Variants in NTNG1 observed in about 807,000 individuals in gnomAD.
NTNG1 encodes netrin-G1.
In NTNG1, 16 loss-of-function variants were observed where a neutral mutation model predicts 54.0. The observed-to-expected ratio is 0.30, with a 90% CI of 0.20 to 0.45. The LOEUF (loss-of-function observed/expected upper bound fraction) is 0.45. NTNG1 is among the 20% of genes least tolerant of loss of function. NTNG1 has a pLI of 1.00. For synonymous variants in NTNG1, 255 were observed against 263.1 expected, an observed-to-expected ratio of 0.97 and a Z score of 0.30; for missense variants, 530 against 678.7, an observed-to-expected ratio of 0.78 and a Z score of 2.43.
chr1:107,339,825 A>C (rs1436748830), intron 3 of NTNG1, among the ~76,000 whole-genome samples: 1 of 152,098 alleles, frequency 6.6e-6, no homozygotes, highest in Non-Finnish European at 1.5e-5. Flanking sequence ...TTTTGTGCTT[A>C]GTATAATAGT....
chr1:107,247,140 G>A (rs200254433), intron 2 of NTNG1, among the ~76,000 whole-genome samples: 1 of 152,196 alleles, frequency 6.6e-6, no homozygotes, highest in East Asian at 1.9e-4. Flanking sequence ...GTAACCTTCT[G>A]AGACTTTGTG....
At chr1:107,180,721 C>T (rs1253103114) in intron 2 of NTNG1, among the ~76,000 whole-genome samples, 1 of 152,040 alleles carries the variant, frequency 6.6e-6, no homozygotes, top group Non-Finnish European at 1.5e-5. Context: ...TTTTGGCAGG[C>T]TTTGTTATCC....
intron 2 of NTNG1, among the ~76,000 whole-genome samples, chr1:107,276,500 G>A (rs1022987172): frequency 6.6e-6 from 1 of 151,898 alleles, no homozygotes. Context: ...GAATTTCAAG[G>A]CTCACATCAC....
intron 3 of NTNG1, among the ~76,000 whole-genome samples, chr1:107,391,734 C>A (rs1027553037): frequency 6.6e-6 from 1 of 151,900 alleles, no homozygotes; most frequent in African/African-American, 2.4e-5. Context: ...CTTTTTAAAC[C>A]GCCAGATCTT....
At chr1:107,431,072 A>AC (rs879348881) in intron 6 of NTNG1, among the ~76,000 whole-genome samples, 155 bp downstream of exon 6, 1 of 152,124 alleles carries the variant, frequency 6.6e-6, no homozygotes, top group Non-Finnish European at 1.5e-5. Flanking sequence ...TTGTGATTTC[A>AC]CTTGTATTGG....
rs1553225209 is a variant in NTNG1 at position 107,319,865 on chromosome 1, T to TTATATATATATATATATATATA, written c.247-4397_247-4396insTATATATATATATATATATATA. 2.9e-4 allele frequency among the ~76,000 whole-genome samples: 43 copies of TTATATATATATATATATATATA among 147,930 alleles called. No homozygotes were observed. The East Asian group carries it at 6.4e-3, about 22-fold the overall frequency. On this transcript the variant is annotated intron_variant, in intron 2 of 7. Coordinates refer to ENST00000370068, the MANE Select transcript of NTNG1 (RefSeq NM_001113226.3). ...TACATTAATATCGCTTACCTGAGGT[T>TTATATATATATATATATATATA]TATATATATATATATATATAAAACT...
chr1:107,399,411 T>C (rs1267961410), intron 4 of NTNG1, among the ~76,000 whole-genome samples: 1 of 152,196 alleles, frequency 6.6e-6, no homozygotes, highest in Non-Finnish European at 1.5e-5. Context: ...TTGGTCTGAC[T>C]TTGACATTAT....
intron 2 of NTNG1, among the ~76,000 whole-genome samples, chr1:107,274,302 C>T (rs1329259685): frequency 6.6e-6 from 1 of 152,162 alleles, no homozygotes; most frequent in Non-Finnish European, 1.5e-5. Flanking sequence ...CATCAGATTT[C>T]AGGGAAATGA....
chr1:107,311,885 G>A (rs963212558), intron 2 of NTNG1, among the ~76,000 whole-genome samples: 1 of 152,188 alleles, frequency 6.6e-6, no homozygotes, highest in African/African-American at 2.4e-5. Context: ...GACTTATGAG[G>A]TGTGAACACC....
intron 2 of NTNG1, among the ~76,000 whole-genome samples, chr1:107,287,165 C>G (rs1665252918): frequency 6.6e-6 from 1 of 151,928 alleles, no homozygotes; most frequent in South Asian, 2.1e-4. Flanking sequence ...GTGGAGGCTA[C>G]AGACCAAAAA....
At chr1:107,267,143 C>T (rs1324371688) in intron 2 of NTNG1, among the ~76,000 whole-genome samples, 2 of 152,186 alleles carry the variant, frequency 1.3e-5, no homozygotes, top group East Asian at 3.8e-4. Context: ...AATGTCCATA[C>T]TGAGCCTTCA....
chr1:107,228,482 A>G (rs536734985), intron 2 of NTNG1, among the ~76,000 whole-genome samples: 26 of 152,314 alleles, frequency 1.7e-4, no homozygotes, highest in Admixed American at 1.3e-3. Context: ...AAGTATGGCA[A>G]TCATTTCCAT....
At chr1:107,361,372 TACA>T (rs1670277925) in intron 3 of NTNG1, among the ~76,000 whole-genome samples, 5 of 63,758 alleles carry the variant, frequency 7.8e-5, no homozygotes, top group African/African-American at 2.3e-4. Context: ...TATATATATA[TACA>T]TATATATATA....
At chr1:107,284,226 A>G (rs1665049132) in intron 2 of NTNG1, among the ~76,000 whole-genome samples, 1 of 152,130 alleles carries the variant, frequency 6.6e-6, no homozygotes, top group Admixed American at 6.6e-5. Flanking sequence ...ATTGTTACAG[A>G]AGAGCAAATA....
intron 5 of NTNG1, among the ~76,000 whole-genome samples, chr1:107,424,875 G>A (rs1674796749): frequency 6.6e-6 from 1 of 152,104 alleles, no homozygotes; most frequent in African/African-American, 2.4e-5. Flanking sequence ...ATAGACCATG[G>A]GGTTGGGTAA....
At chr1:107,240,296 C>T (rs75884801) in intron 2 of NTNG1, among the ~76,000 whole-genome samples, 76 of 145,222 alleles carry the variant, frequency 5.2e-4, no homozygotes, top group African/African-American at 1.8e-3. Context: ...TTTTTTTTTA[C>T]ACATTACGAT....
chr1:107,210,240 G>A (rs1172906985), intron 2 of NTNG1, among the ~76,000 whole-genome samples: 2 of 152,230 alleles, frequency 1.3e-5, no homozygotes, highest in East Asian at 1.9e-4. Flanking sequence ...GATAGCTTTG[G>A]TACCCCAAAC....
At chr1:107,250,671 A>G (rs1347770914) in intron 2 of NTNG1, among the ~76,000 whole-genome samples, 2 of 152,244 alleles carry the variant, frequency 1.3e-5, no homozygotes, top group Admixed American at 6.5e-5. Context: ...ACTGCCTTCA[A>G]CCTAACTCTC....
At chr1:107,227,458 C>T (rs1236196736) in intron 2 of NTNG1, among the ~76,000 whole-genome samples, 1 of 152,122 alleles carries the variant, frequency 6.6e-6, no homozygotes, top group Non-Finnish European at 1.5e-5. Context: ...GTGGCACTAA[C>T]CTTCATTACA....
Sources: allele counts gnomAD v4.1 joint callset (sites outside exome capture counted in the v4.1 genomes callset), GRCh38; gene constraint gnomAD v4.1.1; transcripts MANE v1.5; gene names NCBI Gene and HGNC (gene_info 2026-07-23, HGNC 2026-07-21).